Variants in DAB2 observed in about 807,000 individuals in gnomAD.
The protein encoded by DAB2 is disabled homolog 2.
DAB2 carries 28 observed loss-of-function variants against 71.6 expected under a neutral mutation model. The ratio of observed to expected loss-of-function variants is 0.39; its 90% CI spans 0.29 to 0.54. The LOEUF (loss-of-function observed/expected upper bound fraction) is 0.54, where lower values mean the gene tolerates loss of function less well. DAB2 is among the 20% of genes least tolerant of loss of function. DAB2 has a pLI of 0.68. For missense variants in DAB2, 867 were observed against 928.8 expected, an observed-to-expected ratio of 0.93 and a Z score of 0.86; for synonymous variants, 345 against 339.7, an observed-to-expected ratio of 1.02 and a Z score of -0.17.
Position 39,381,368 on chromosome 5 carries a change from T to C in DAB2, c.1504+86A>G. 8 of 1,394,702 alleles carry C rather than the reference T, an allele frequency of 5.7e-6. No individual in the cohort carries two copies. In the South Asian group the frequency reaches 7.7e-5, roughly 13 times the overall value. The allele number at this position is 1,394,702 out of a possible 1,614,324, so 86.4% of individuals were successfully genotyped here. On this transcript the variant is annotated intron_variant, in intron 11 of 14. Coordinates refer to ENST00000320816, the MANE Select transcript of DAB2 (RefSeq NM_001343.4). ...TCAAATCTTATGCTGTAAAACCCTCTGGGAGTATGAAATCTCTTCCGATGC... is the reference window on the plus strand; with the variant it reads ...TCAAATCTTATGCTGTAAAACCCTCCGGGAGTATGAAATCTCTTCCGATGC...
intron 1 of DAB2, among the ~76,000 whole-genome samples, chr5:39,404,714 G>T (rs1755575821): frequency 1.3e-5 from 2 of 152,030 alleles, no homozygotes; most frequent in African/African-American, 4.8e-5. Context: ...AAGTAGCTGG[G>T]ACTACAGGTG....
chr5:39,380,376 G>T (rs529009548), intron 11 of DAB2, among the ~76,000 whole-genome samples: 49 of 152,266 alleles, frequency 3.2e-4, no homozygotes, highest in African/African-American at 1.1e-3. Context: ...AAACAACAGA[G>T]ACAGAGAGGA....
chr5:39,393,642 C>T (rs995256834), intron 2 of DAB2, among the ~76,000 whole-genome samples: 4 of 151,790 alleles, frequency 2.6e-5, no homozygotes, highest in South Asian at 2.1e-4. Context: ...TTATGGGAAA[C>T]GTATGGGAAT....
chr5:39,399,462 T>C (rs556664160), intron 1 of DAB2, among the ~76,000 whole-genome samples: 20 of 152,360 alleles, frequency 1.3e-4, no homozygotes, highest in Admixed American at 7.2e-4. Flanking sequence ...AGTTATCTTA[T>C]AGTCCTGACT....
chr5:39,424,118 G>C (rs1221417617), intron 1 of DAB2, among the ~76,000 whole-genome samples: 2 of 152,008 alleles, frequency 1.3e-5, no homozygotes, highest in Non-Finnish European at 2.9e-5. Flanking sequence ...GTTGACTGAG[G>C]CTCCACGGTT....
At chr5:39,420,079 G>A (rs889296688) in intron 1 of DAB2, among the ~76,000 whole-genome samples, 1 of 152,176 alleles carries the variant, frequency 6.6e-6, no homozygotes, top group African/African-American at 2.4e-5. Flanking sequence ...TCCAGAGTTT[G>A]CAGTTCTGAC....
chr5:39,399,222 C>G (rs1755443921), intron 1 of DAB2, among the ~76,000 whole-genome samples: 1 of 151,404 alleles, frequency 6.6e-6, no homozygotes, highest in Non-Finnish European at 1.5e-5. Flanking sequence ...GTCTCAGGTC[C>G]CTTCAGTTCA....
intron 9 of DAB2, among the ~76,000 whole-genome samples, chr5:39,386,863 G>A (rs1164266930): frequency 6.6e-6 from 1 of 152,138 alleles, no homozygotes; most frequent in African/African-American, 2.4e-5. Flanking sequence ...ATGGAGGAGA[G>A]CACAAAGTTG....
chr5:39,406,756 T>C (rs572270590), intron 1 of DAB2, among the ~76,000 whole-genome samples: 2 of 152,328 alleles, frequency 1.3e-5, no homozygotes, highest in Admixed American at 6.5e-5. Context: ...TAGGATATTA[T>C]ATTTCATTCT....
chr5:39,387,295 T>A (rs1755117615), intron 9 of DAB2, among the ~76,000 whole-genome samples: 1 of 152,170 alleles, frequency 6.6e-6, no homozygotes, highest in South Asian at 2.1e-4. Context: ...AAGAGAGTCC[T>A]TTCTAGACAT....
intron 1 of DAB2, among the ~76,000 whole-genome samples, chr5:39,396,646 G>A (rs1755376252): frequency 6.6e-6 from 1 of 152,232 alleles, no homozygotes; most frequent in African/African-American, 2.4e-5. Flanking sequence ...TCTTTAGGCA[G>A]TGAATTATTC....
chr5:39,384,878 A>G (rs1342866649), intron 9 of DAB2, among the ~76,000 whole-genome samples: 1 of 152,136 alleles, frequency 6.6e-6, no homozygotes, highest in Non-Finnish European at 1.5e-5. Context: ...TGAGCAGAAT[A>G]CTAAATATTT....
intron 6 of DAB2, 39 bp downstream of exon 6, chr5:39,389,813 G>C (rs367813366): frequency 1.6e-6 from 2 of 1,248,990 alleles, no homozygotes; most frequent in Non-Finnish European, 2.3e-6. Context: ...TGCCCAGCCA[G>C]TTTTAAATTT....
Position 39,377,023 on chromosome 5 carries a change from G to A in DAB2, c.1764C>T (p.Ser588=). The change falls in exon 12 of 15, where the codon AGC becomes AGT. Residue 588 remains serine (S), a synonymous_variant. Coordinates refer to ENST00000320816, the MANE Select transcript of DAB2 (RefSeq NM_001343.4). The part of the protein sequence containing the change: ...SVAPNAWSTT[S]PLGNPFQSNI... ...TGCTCTGAAAAGGATTCCCCAAAGG[G>A]CTTGTTGTTGACCAAGCATTGGGTG... is the stretch of plus-strand genomic sequence containing the variant. 1 of 1,614,114 alleles carries A rather than the reference G, an allele frequency of 6.2e-7. No individual in the cohort carries two copies. Among genetic ancestry groups the A allele is most frequent in the Non-Finnish European group, 8.5e-7 (1 of 1,180,008 alleles).
chr5:39,409,728 T>C (rs747462086), intron 1 of DAB2, among the ~76,000 whole-genome samples: 29 of 152,160 alleles, frequency 1.9e-4, no homozygotes, highest in Middle Eastern at 3.2e-3. Context: ...TTGTGTCTAG[T>C]AGAGATTTCA....
intron 12 of DAB2, among the ~76,000 whole-genome samples, 181 bp from the exon 13 acceptor site, chr5:39,376,287 A>T (rs980896891): frequency 6.6e-6 from 1 of 152,210 alleles, no homozygotes; most frequent in Non-Finnish European, 1.5e-5. Flanking sequence ...AGAGAAAGCC[A>T]TGCATATTTA....
chr5:39,384,913 T>C (rs929299779), intron 9 of DAB2, among the ~76,000 whole-genome samples: 4 of 151,942 alleles, frequency 2.6e-5, no homozygotes, highest in African/African-American at 7.3e-5. Context: ...AATAAACAAC[T>C]TCAAGGGAAT....
At chr5:39,391,909 C>T (rs1405988721) in intron 4 of DAB2, among the ~76,000 whole-genome samples, 1 of 148,100 alleles carries the variant, frequency 6.8e-6, no homozygotes, top group Non-Finnish European at 1.5e-5. Flanking sequence ...GTAAGCAATA[C>T]ATAAAAGTGT....
At chr5:39,375,121 T>TA in intron 13 of DAB2, 37 bp from the exon 14 acceptor site, 1 of 1,487,076 alleles carries the variant, frequency 6.7e-7, no homozygotes, top group Non-Finnish European at 9.3e-7. Context: ...TAAATACAGT[T>TA]ACAGTCATAA....
Sources: gnomAD v4.1 joint callset for allele counts (sites outside exome capture counted in the v4.1 genomes callset) on GRCh38, gnomAD v4.1.1 for gene constraint, MANE v1.5 for transcripts, NCBI Gene and HGNC (gene_info 2026-07-23, HGNC 2026-07-21) for gene names.